The following ABCB1 variants were observed in gnomAD, a reference collection of about 807,000 sequenced individuals.
ABCB1 encodes ATP-dependent translocase ABCB1.
ABCB1 carries 69 observed loss-of-function variants against 142.0 expected under a neutral mutation model. The ratio of observed to expected loss-of-function variants is 0.49; its 90% CI spans 0.40 to 0.59. The LOEUF is 0.59. ABCB1 is among the 20% of genes least tolerant of loss of function. ABCB1 has a pLI of 0.00. For missense variants in ABCB1, 1,326 were observed against 1,554.7 expected, an observed-to-expected ratio of 0.85 and a Z score of 2.47; for synonymous variants, 532 against 539.2, an observed-to-expected ratio of 0.99 and a Z score of 0.18.
intron 1 of ABCB1, among the ~76,000 whole-genome samples, chr7:87,702,797 G>A (rs1563146508): frequency 6.6e-6 from 1 of 152,102 alleles, no homozygotes; most frequent in African/African-American, 2.4e-5. Flanking sequence ...GCATCACCAT[G>A]ATGTTCAAAG....
chr7:87,552,476 T>C (rs1419396738), intron 9 of ABCB1, among the ~76,000 whole-genome samples: 1 of 152,120 alleles, frequency 6.6e-6, no homozygotes, highest in African/African-American at 2.4e-5. Context: ...AAGCTGCCAT[T>C]TGAATCAAGT....
intron 19 of ABCB1, among the ~76,000 whole-genome samples, chr7:87,538,620 G>C (rs1455903824): frequency 6.6e-6 from 1 of 152,146 alleles, no homozygotes; most frequent in Non-Finnish European, 1.5e-5. Context: ...AAATTTTCAT[G>C]ATTGTTAAAG....
At chr7:87,659,928 T>G (rs28381750) in intron 1 of ABCB1, among the ~76,000 whole-genome samples, 1 of 152,314 alleles carries the variant, frequency 6.6e-6, no homozygotes, top group East Asian at 1.9e-4. Context: ...TTTCTCATGT[T>G]AAATCACCTA....
intron 20 of ABCB1, among the ~76,000 whole-genome samples, chr7:87,535,458 G>A (rs1279493911): frequency 6.6e-6 from 1 of 151,492 alleles, no homozygotes; most frequent in African/African-American, 2.4e-5. Flanking sequence ...TCAGCCTCCC[G>A]AGTAGCTGGG....
chr7:87,544,164 G>A lies in ABCB1; in HGVS notation c.2176C>T (p.Pro726Ser). ...TTTGAAAATATTATTGCAAATGCTG[G>A]TTGCAGGCCTCCATTTATAATGGCA... ...FCAIINGGLQPAFAIIFSKII... is the reference protein window; with the variant it reads ...FCAIINGGLQSAFAIIFSKII... Residue 726 changes from proline to serine, a missense_variant, in exon 17 of 28, where the codon CCA becomes TCA. Transcript: ENST00000622132. 6.2e-7 allele frequency: 1 copy of A among 1,613,860 alleles called. No individual in the cohort carries two copies. Among genetic ancestry groups the A allele is most frequent in the African/African-American group, 1.3e-5 (1 of 75,006 alleles).
intron 25 of ABCB1, among the ~76,000 whole-genome samples, chr7:87,511,160 C>T (rs570352238): frequency 6.6e-5 from 10 of 152,234 alleles, no homozygotes; most frequent in African/African-American, 2.4e-4. Flanking sequence ...CTATTTAAAA[C>T]CTGTGTTGAC....
chr7:87,692,773 T>A (rs1050792626), intron 1 of ABCB1, among the ~76,000 whole-genome samples: 1 of 152,250 alleles, frequency 6.6e-6, no homozygotes, highest in African/African-American at 2.4e-5. Context: ...TTACATTCAA[T>A]GTTGAGAAAT....
At chr7:87,507,658 C>A (rs1361085442) in intron 26 of ABCB1, among the ~76,000 whole-genome samples, 2 of 152,116 alleles carry the variant, frequency 1.3e-5, no homozygotes, top group Non-Finnish European at 2.9e-5. Context: ...GGAAAGAGAG[C>A]CACCTGGTGT....
intron 15 of ABCB1, among the ~76,000 whole-genome samples, chr7:87,545,567 C>T (rs990760877): frequency 6.6e-6 from 1 of 152,196 alleles, no homozygotes; most frequent in Non-Finnish European, 1.5e-5. Context: ...CTACTTAAAA[C>T]ATTCCAATTC....
At chr7:87,592,700 G>A (rs775027754) in intron 3 of ABCB1, among the ~76,000 whole-genome samples, 10 of 152,068 alleles carry the variant, frequency 6.6e-5, no homozygotes, top group Non-Finnish European at 1.5e-4. Context: ...TTCTTCATCT[G>A]GAACACAAGA....
chr7:87,589,502 G>A (rs1364855710), intron 3 of ABCB1, among the ~76,000 whole-genome samples: 2 of 152,054 alleles, frequency 1.3e-5, no homozygotes, highest in African/African-American at 4.8e-5. Flanking sequence ...AAAAGGAAAT[G>A]CGCTGGGCAT....
At chr7:87,700,576 C>G in intron 1 of ABCB1, 1 of 1,582,344 alleles carries the variant, frequency 6.3e-7, no homozygotes, top group Non-Finnish European at 8.6e-7. Flanking sequence ...GTCAGAGACT[C>G]GTTTCTATTT....
At chr7:87,523,609 G>A (rs1052487476) in intron 21 of ABCB1, among the ~76,000 whole-genome samples, 1 of 152,180 alleles carries the variant, frequency 6.6e-6, no homozygotes, top group African/African-American at 2.4e-5. Flanking sequence ...GCAACAGAGT[G>A]AGACTCCATC....
intron 3 of ABCB1, 117 bp downstream of exon 3, chr7:87,595,649 C>A: frequency 1.3e-6 from 1 of 785,316 alleles, no homozygotes; most frequent in Non-Finnish European, 2.2e-6. Context: ...ATTTATTTTG[C>A]ATCTCCATTA....
intron 7 of ABCB1, among the ~76,000 whole-genome samples, chr7:87,564,337 C>T (rs888756836): frequency 2.6e-5 from 4 of 152,232 alleles, no homozygotes; most frequent in Middle Eastern, 3.4e-3. Flanking sequence ...TTATGTGAAG[C>T]TTCTGGGGCT....
At chr7:87,645,204 T>A (rs924016720) in intron 1 of ABCB1, among the ~76,000 whole-genome samples, 10 of 151,688 alleles carry the variant, frequency 6.6e-5, no homozygotes, top group African/African-American at 2.4e-4. Context: ...TACCTCAGCC[T>A]CTTGAGTAGC....
At chr7:87,512,382 G>A (rs1206270888) in intron 25 of ABCB1, among the ~76,000 whole-genome samples, 9 of 151,884 alleles carry the variant, frequency 5.9e-5, no homozygotes, top group East Asian at 3.9e-4. Context: ...GAATCACCTC[G>A]GAATATTATA....
At chr7:87,656,607 G>T (rs1041075261) in intron 1 of ABCB1, among the ~76,000 whole-genome samples, 1 of 151,990 alleles carries the variant, frequency 6.6e-6, no homozygotes, top group Non-Finnish European at 1.5e-5. Flanking sequence ...ATAAAGAAGA[G>T]AAAGACGTTA....
intron 1 of ABCB1, among the ~76,000 whole-genome samples, chr7:87,626,246 A>ATTGTCATATATG (rs757936155): frequency 8.0e-5 from 1 of 12,542 alleles, no homozygotes; most frequent in Non-Finnish European, 1.6e-4. Flanking sequence ...TGTCATATAT[A>ATTGTCATATATG]TGTCATATAT....
Sources: gnomAD v4.1 joint callset for allele counts (sites outside exome capture counted in the v4.1 genomes callset) on GRCh38, gnomAD v4.1.1 for gene constraint, MANE v1.5 for transcripts, NCBI Gene and HGNC (gene_info 2026-07-23, HGNC 2026-07-21) for gene names.